The following COG3 variants were observed in gnomAD, a reference collection of about 807,000 sequenced individuals.
The protein encoded by COG3 is component of oligomeric golgi complex 3.
COG3 carries 32 observed loss-of-function variants against 114.1 expected under a neutral mutation model. The ratio of observed to expected loss-of-function variants is 0.28; its 90% CI spans 0.21 to 0.38. The LOEUF (loss-of-function observed/expected upper bound fraction) is 0.38, where lower values mean the gene tolerates loss of function less well. COG3 is among the 10% of genes least tolerant of loss of function. The pLI, the probability that COG3 is intolerant of heterozygous loss-of-function variation, is 1.00. For missense variants in COG3, 813 were observed against 973.2 expected, an observed-to-expected ratio of 0.84 and a Z score of 2.19; for synonymous variants, 352 against 365.7, an observed-to-expected ratio of 0.96 and a Z score of 0.43.
intron 16 of COG3, among the ~76,000 whole-genome samples, chr13:45,514,520 C>CT (rs1871329023): frequency 6.6e-6 from 1 of 152,126 alleles, no homozygotes. Flanking sequence ...TTTTGCCCTC[C>CT]TTATCTGTAG....
intron 6 of COG3, 32 bp from the exon 7 acceptor site, chr13:45,483,198 C>A: frequency 6.5e-7 from 1 of 1,544,598 alleles, no homozygotes; most frequent in Non-Finnish European, 8.9e-7. Flanking sequence ...GTGTTCATTT[C>A]CACTTTGTAA....
Position 45,535,272 on chromosome 13 carries a change from C to A in COG3, c.*541C>A. The A allele has an allele frequency of 1.0e-6, 1 of 985,396 alleles. No individual in the cohort carries two copies. The highest frequency in any genetic ancestry group is 1.1e-4 in the East Asian group (1 of 8,812). The allele number at this position is 985,396 out of a possible 1,614,324, so 61.0% of individuals were successfully genotyped here. On this transcript the variant is annotated 3_prime_UTR_variant, in exon 23 of 23. Transcript: ENST00000349995. ...TGGTTGCTTCTGAGAACACATTCTG[C>A]CTTCCTGGGAAGTCGGGGTGTCATC... is the stretch of plus-strand genomic sequence containing the variant.
intron 3 of COG3, 27 bp from the exon 4 acceptor site, chr13:45,480,098 C>T: frequency 6.4e-7 from 1 of 1,555,708 alleles, no homozygotes; most frequent in African/African-American, 1.4e-5. Context: ...AGATTATTGC[C>T]AATCCCCTTT....
chr13:45,528,078 A>T (rs1314777551), intron 20 of COG3, among the ~76,000 whole-genome samples: 1 of 152,182 alleles, frequency 6.6e-6, no homozygotes, highest in Non-Finnish European at 1.5e-5. Flanking sequence ...TGATATCCTG[A>T]TATCTTGAGA....
At chr13:45,499,584 G>C (rs550618775) in intron 13 of COG3, among the ~76,000 whole-genome samples, 1 of 152,230 alleles carries the variant, frequency 6.6e-6, no homozygotes, top group African/African-American at 2.4e-5. Context: ...TGTAAAACAG[G>C]CATAATACTG....
intron 16 of COG3, among the ~76,000 whole-genome samples, chr13:45,513,004 A>C (rs1289503684): frequency 3.4e-5 from 5 of 147,956 alleles, no homozygotes; most frequent in African/African-American, 1.2e-4. Flanking sequence ...TTTTTTTCCC[A>C]GGAAGTAGAG....
intron 19 of COG3, among the ~76,000 whole-genome samples, chr13:45,523,185 A>G (rs556223215): frequency 6.6e-6 from 1 of 152,116 alleles, no homozygotes; most frequent in African/African-American, 2.4e-5. Flanking sequence ...AATTTATGCT[A>G]AAAACTCAGA....
chr13:45,481,213 C>A lies in COG3; in HGVS notation c.550-17C>A. Reference sequence around the variant, plus strand: ...TATTCTTATAATAATTGATTTTTCTCTTTTAAAAAATGCAAGTCGGAACTT... The same window carrying A: ...TATTCTTATAATAATTGATTTTTCTATTTTAAAAAATGCAAGTCGGAACTT... On this transcript the variant is annotated splice_polypyrimidine_tract_variant and intron_variant, in intron 4 of 22. Coordinates refer to ENST00000349995, the MANE Select transcript of COG3 (RefSeq NM_031431.4). The A allele has an allele frequency of 1.4e-6, 2 of 1,474,378 alleles. No homozygotes were observed. The highest frequency in any genetic ancestry group is 1.9e-6 in the Non-Finnish European group (2 of 1,064,736). The allele number at this position is 1,474,378 out of a possible 1,614,324, so 91.3% of individuals were successfully genotyped here.
chr13:45,468,065 A>G (rs1401594750), intron 1 of COG3, among the ~76,000 whole-genome samples: 3 of 152,232 alleles, frequency 2.0e-5, no homozygotes, highest in Admixed American at 2.0e-4. Context: ...AGACTTTTGT[A>G]GCCAGGGCAA....
At chr13:45,503,223 C>T (rs1227395233) in intron 13 of COG3, 21 bp from the exon 14 acceptor site, 1 of 1,185,316 alleles carries the variant, frequency 8.4e-7, no homozygotes, top group Non-Finnish European at 1.3e-6. Context: ...CGGTAACATT[C>T]CTTCTGATTT....
At chr13:45,492,007 T>C in intron 10 of COG3, 152 bp from the exon 11 acceptor site, 1 of 496,058 alleles carries the variant, frequency 2.0e-6, no homozygotes, top group Non-Finnish European at 3.6e-6. Flanking sequence ...TATGCAGTCA[T>C]CTATCGAAAA....
rs757070843 is a variant in COG3 at position 45,496,285 on chromosome 13, A to G, written c.1461A>G (p.Ala487=). The G allele has an allele frequency of 1.1e-5, 18 of 1,603,012 alleles. 1 individual carries two copies. Among genetic ancestry groups the G allele is most frequent in the South Asian group, 3.3e-5 (3 of 90,024 alleles). ...TGYKPAPGDL[A]YPDKLVMMEQ... is the part of the protein sequence containing the mutation. ...ATAAACCAGCTCCTGGAGATCTGGCATATCCCGATAAGTTAGTCATGATGG... is the reference window on the plus strand; with the variant it reads ...ATAAACCAGCTCCTGGAGATCTGGCGTATCCCGATAAGTTAGTCATGATGG... Residue 487 remains alanine (A), a synonymous_variant, in exon 13 of 23, where the codon GCA becomes GCG. Transcript: ENST00000349995.
At chr13:45,482,191 A>G (rs997131913) in intron 5 of COG3, among the ~76,000 whole-genome samples, 190 bp from the exon 6 acceptor site, 2 of 152,302 alleles carry the variant, frequency 1.3e-5, no homozygotes, top group East Asian at 1.9e-4. Context: ...TTAAATCAGT[A>G]TGCTTTTTCT....
At chr13:45,466,023 G>A (rs1885115487) in intron 1 of COG3, among the ~76,000 whole-genome samples, 1 of 152,066 alleles carries the variant, frequency 6.6e-6, no homozygotes, top group Admixed American at 6.5e-5. Context: ...TTTTATATAA[G>A]CAGTGGTGAT....
At chr13:45,498,903 G>T (rs1477614831) in intron 13 of COG3, among the ~76,000 whole-genome samples, 1 of 146,358 alleles carries the variant, frequency 6.8e-6, no homozygotes, top group Non-Finnish European at 1.5e-5. Flanking sequence ...TTGTTTTCTT[G>T]CACAAGATGA....
intron 14 of COG3, among the ~76,000 whole-genome samples, chr13:45,506,722 A>G (rs1870191622): frequency 6.6e-6 from 1 of 152,204 alleles, no homozygotes; most frequent in Non-Finnish European, 1.5e-5. Context: ...GAAGTGGAGC[A>G]AAACCAAAAA....
chr13:45,534,516 A>T, intron 22 of COG3, 186 bp from the exon 23 acceptor site: 1 of 413,680 alleles, frequency 2.4e-6, no homozygotes, highest in Admixed American at 4.5e-5. Flanking sequence ...TTTCCATTCT[A>T]ATTGCTTTAT....
intron 1 of COG3, among the ~76,000 whole-genome samples, chr13:45,471,253 GA>G (rs1045775651): frequency 2.0e-5 from 3 of 146,594 alleles, no homozygotes; most frequent in Admixed American, 1.4e-4. Flanking sequence ...AAAAAAAAAA[GA>G]AAAAAAAATC....
At chr13:45,512,796 G>T (rs1019371907) in intron 16 of COG3, among the ~76,000 whole-genome samples, 1 of 151,920 alleles carries the variant, frequency 6.6e-6, no homozygotes, top group African/African-American at 2.4e-5. Flanking sequence ...TTTATTTTTT[G>T]TAGAGACAGG....
Sources: allele counts gnomAD v4.1 joint callset (sites outside exome capture counted in the v4.1 genomes callset), GRCh38; gene constraint gnomAD v4.1.1; transcripts MANE v1.5; gene names NCBI Gene and HGNC (gene_info 2026-07-23, HGNC 2026-07-21).